The following CADPS2 variants were observed in gnomAD, a reference collection of about 807,000 sequenced individuals.
CADPS2 encodes calcium dependent secretion activator 2.
Under a neutral mutation model 172.5 loss-of-function variants are expected in CADPS2, and 93 were observed. That is an observed-to-expected ratio of 0.54 (90% CI 0.46 to 0.64). CADPS2 has a LOEUF of 0.64. CADPS2 is among the 30% of genes least tolerant of loss of function. The pLI, the probability that CADPS2 is intolerant of heterozygous loss-of-function variation, is 0.00. For missense variants in CADPS2, 1,420 were observed against 1,565.9 expected (o/e 0.91, Z 1.57); for synonymous variants, 546 against 555.2 (o/e 0.98, Z 0.23).
intron 6 of CADPS2, among the ~76,000 whole-genome samples, chr7:122,611,388 G>A (rs1240086854): frequency 6.6e-6 from 1 of 151,888 alleles, no homozygotes; most frequent in African/African-American, 2.4e-5. Flanking sequence ...TGACCTTATA[G>A]AAACTAAAAA....
intron 8 of CADPS2, among the ~76,000 whole-genome samples, chr7:122,535,375 T>C (rs1032831810): frequency 1.3e-5 from 2 of 152,038 alleles, no homozygotes; most frequent in Non-Finnish European, 1.5e-5. Flanking sequence ...TAAATAAGAA[T>C]ATTATTTAAT....
intron 28 of CADPS2, among the ~76,000 whole-genome samples, chr7:122,335,196 A>G (rs770102904): frequency 3.9e-5 from 6 of 152,266 alleles, no homozygotes; most frequent in Non-Finnish European, 7.3e-5. Context: ...ATGAATAAAC[A>G]TGTACTTTTA....
rs76824312 is a variant in CADPS2, at chr7:122,424,322, T to C, written c.2477-8158A>G. On this transcript the variant is annotated intron_variant, in intron 17 of 29. Transcript: ENST00000449022. The stretch of plus-strand genomic sequence containing the variant: ...CTGTCATCACAGTCACATTAACTAC[T>C]TTACCTAGATTATCTTTCGCATCTG... 4.1e-3 allele frequency: 4,045 copies of C among 984,538 alleles called. 116 individuals carry two copies. The African/African-American group carries it at 0.062, about 15-fold the overall frequency. 61.0% of individuals were successfully genotyped at this position (984,538 alleles called of 1,614,324 possible).
At chr7:122,688,888 A>T (rs565496932) in intron 2 of CADPS2, among the ~76,000 whole-genome samples, 1 of 152,240 alleles carries the variant, frequency 6.6e-6, no homozygotes, top group African/African-American at 2.4e-5. Flanking sequence ...CCTTGGATAC[A>T]CAGGTTATAT....
chr7:122,596,422 A>G (rs530449264), intron 6 of CADPS2, among the ~76,000 whole-genome samples: 2 of 152,208 alleles, frequency 1.3e-5, no homozygotes, highest in South Asian at 4.1e-4. Context: ...CTGAAAGGAT[A>G]TTTAATAAGC....
intron 8 of CADPS2, among the ~76,000 whole-genome samples, chr7:122,548,493 A>T (rs1288084920): frequency 6.6e-6 from 1 of 152,240 alleles, no homozygotes; most frequent in African/African-American, 2.4e-5. Context: ...TAATGAGATC[A>T]ACAATGTATC....
intron 1 of CADPS2, among the ~76,000 whole-genome samples, chr7:122,796,335 T>G (rs1796365215): frequency 6.6e-6 from 1 of 152,222 alleles, no homozygotes; most frequent in Non-Finnish European, 1.5e-5. Context: ...ATTGACATTC[T>G]TCACAGAACT....
At chr7:122,500,671 A>C (rs2059123631) in intron 9 of CADPS2, among the ~76,000 whole-genome samples, 1 of 152,190 alleles carries the variant, frequency 6.6e-6, no homozygotes, top group African/African-American at 2.4e-5. Context: ...GTTATAAGAA[A>C]GCCATCAAAA....
At position 122,474,458 on chromosome 7, in the gene CADPS2, G is replaced by C. The variant is rs777250744; in HGVS notation, c.1921C>G (p.Leu641Val). 9.3e-6 allele frequency: 15 copies of C among 1,613,228 alleles called. No individual in the cohort carries two copies. The highest frequency in any genetic ancestry group is 1.3e-5 in the Non-Finnish European group (15 of 1,179,608). ...ATTCTAAAAAGGAAGGCATGATCAAGCTTGCAGGGGTTTGCAGAAATAAAC... is the reference window on the plus strand; with the variant it reads ...ATTCTAAAAAGGAAGGCATGATCAACCTTGCAGGGGTTTGCAGAAATAAAC... ...DEFISANPCK[L>V]DHAFLFRILQ... Residue 641 changes from leucine (L) to valine (V), a missense_variant, in exon 13 of 30, where the codon CTT becomes GTT. Physicochemically the swap from Leu to Val is conservative, Grantham distance 32. Transcript: ENST00000449022.
At chr7:122,864,542 G>A (rs1021167719) in intron 1 of CADPS2, among the ~76,000 whole-genome samples, 7 of 151,996 alleles carry the variant, frequency 4.6e-5, no homozygotes, top group African/African-American at 1.4e-4. Context: ...TCTCAGGAAA[G>A]CTAGAAAAGC....
chr7:122,803,122 T>C (rs1476084868), intron 1 of CADPS2, among the ~76,000 whole-genome samples: 1 of 152,178 alleles, frequency 6.6e-6, no homozygotes, highest in Non-Finnish European at 1.5e-5. Context: ...ACTCCCTTAT[T>C]ACCTTTGTCA....
chr7:122,880,525 TACTTTCATTTTTCCTAGGTG>T (rs1402395663), intron 1 of CADPS2, among the ~76,000 whole-genome samples: 1 of 152,218 alleles, frequency 6.6e-6, no homozygotes, highest in Non-Finnish European at 1.5e-5. Flanking sequence ...TTATTGCCAA[TACTTTCATTTTTCCTAGGTG>T]AAAATAAGCC....
At chr7:122,538,404 T>TAAA (rs769070728) in intron 8 of CADPS2, among the ~76,000 whole-genome samples, 1 of 135,280 alleles carries the variant, frequency 7.4e-6, no homozygotes, top group African/African-American at 2.7e-5. Flanking sequence ...TTAATTAGTT[T>TAAA]AAAAAAAAAA....
chr7:122,553,978 G>A (rs1055332457), intron 8 of CADPS2, among the ~76,000 whole-genome samples: 7 of 152,228 alleles, frequency 4.6e-5, no homozygotes, highest in African/African-American at 1.7e-4. Flanking sequence ...CCTTGGCAGA[G>A]ATGAAGGCTG....
chr7:122,507,688 C>T (rs1207929494), intron 9 of CADPS2, among the ~76,000 whole-genome samples: 2 of 152,100 alleles, frequency 1.3e-5, no homozygotes, highest in African/African-American at 4.8e-5. Context: ...ATAGATTATC[C>T]CACAATGTGA....
intron 7 of CADPS2, among the ~76,000 whole-genome samples, chr7:122,579,493 T>A (rs1226448357): frequency 1.4e-5 from 2 of 140,052 alleles, no homozygotes; most frequent in Admixed American, 1.4e-4. Context: ...CACTTATGTA[T>A]CCAATTTAGA....
chr7:122,541,795 AT>A (rs2063052819), intron 8 of CADPS2, among the ~76,000 whole-genome samples: 1 of 117,030 alleles, frequency 8.5e-6, no homozygotes, highest in Non-Finnish European at 2.0e-5. Context: ...ATATTTATAT[AT>A]TCATATATAT....
In CADPS2 at chr7:122,663,344, T is replaced by C; in HGVS notation, c.679A>G (p.Ser227Gly). 6.2e-7 allele frequency: 1 copy of C among 1,613,996 alleles called. No homozygotes were observed. The highest frequency in any genetic ancestry group is 1.1e-5 in the South Asian group (1 of 91,090). The part of the protein sequence containing the change: ...LCKQPNRMAL[S>G]AVSELILSKE... ...CTCAGAATAAGTTCAGACACTGCACTTAGGGCCATTCTATTTGGCTGTTTG... is the reference window on the plus strand; with the variant it reads ...CTCAGAATAAGTTCAGACACTGCACCTAGGGCCATTCTATTTGGCTGTTTG... Residue 227 changes from serine (S) to glycine (G), a missense_variant, in exon 3 of 30, where the codon AGT becomes GGT. Physicochemically the swap from Ser to Gly is moderately conservative, Grantham distance 56. Transcript: ENST00000449022.
intron 1 of CADPS2, among the ~76,000 whole-genome samples, chr7:122,740,194 T>G (rs2092389123): frequency 6.6e-6 from 1 of 152,180 alleles, no homozygotes; most frequent in Non-Finnish European, 1.5e-5. Context: ...ATTAATACAC[T>G]TCTATCATAT....
Sources: allele counts gnomAD v4.1 joint callset (sites outside exome capture counted in the v4.1 genomes callset), GRCh38; gene constraint gnomAD v4.1.1; transcripts MANE v1.5; gene names NCBI Gene and HGNC (gene_info 2026-07-23, HGNC 2026-07-21).